Variants in P3H2 observed in about 807,000 individuals in gnomAD.
P3H2 encodes the protein prolyl 3-hydroxylase 2, also known as leprecan-like 1.
In P3H2, 80 loss-of-function variants were observed where a neutral mutation model predicts 87.0. That is an observed-to-expected ratio of 0.92 (90% confidence interval 0.77 to 1.11). The LOEUF (loss-of-function observed/expected upper bound fraction) is 1.11. Ranked by LOEUF, P3H2 falls within the 50% of genes least tolerant of loss-of-function variation. The pLI is 0.00. For missense variants in P3H2, 1,001 were observed against 923.9 expected, an observed-to-expected ratio of 1.08 and a Z score of -1.08; for synonymous variants, 367 against 359.3, an observed-to-expected ratio of 1.02 and a Z score of -0.24.
At chr3:190,084,950 CAAAA>C (rs200109023) in intron 1 of P3H2, among the ~76,000 whole-genome samples, 5 of 133,124 alleles carry the variant, frequency 3.8e-5, no homozygotes, top group South Asian at 2.4e-4. Flanking sequence ...GAGAAACAAA[CAAAA>C]AAAAAAAAGA....
At chr3:189,963,684 T>C (rs536091741) in intron 14 of P3H2, 3 of 423,442 alleles carry the variant, frequency 7.1e-6, no homozygotes, top group Non-Finnish European at 1.3e-5. Context: ...CCTCAAGTGA[T>C]CTGCCCACCT....
At position 189,964,141 on chromosome 3, in the gene P3H2, T is replaced by C. The variant is rs1321223464; in HGVS notation, c.1894-43A>G. 2.5e-6 allele frequency: 4 copies of C among 1,580,566 alleles called. 1 individual carries two copies. The highest frequency in any genetic ancestry group is 2.2e-5 in the East Asian group (1 of 44,702). Reference sequence around the variant, plus strand: ...AATTAGACTTTCAATTGTTGTATCATAAACATTTCCACAACTCCTGCTTCT... The same window carrying C: ...AATTAGACTTTCAATTGTTGTATCACAAACATTTCCACAACTCCTGCTTCT... On this transcript the variant is annotated intron_variant, in intron 13 of 14. Coordinates refer to ENST00000319332, the MANE Select transcript of P3H2 (RefSeq NM_018192.4).
In P3H2 at chr3:190,011,913, G is replaced by A. The variant is rs896921071; in HGVS notation, c.481-16471C>T. ...AAATGTTATACATCAAATGTTAATG[G>A]TCATGATATCCACATGGAGAAATGA... On this transcript the variant is annotated intron_variant, in intron 1 of 14. Transcript: ENST00000319332. 8.8e-4 allele frequency among the ~76,000 whole-genome samples: 134 copies of A among 152,164 alleles called. 3 individuals are homozygous for A. Among genetic ancestry groups the A allele is most frequent in the Non-Finnish European group, 2.4e-4 (16 of 68,028 alleles).
At chr3:190,121,921 G>A (rs761004064), upstream of P3H2, among the ~76,000 whole-genome samples, 40 of 151,986 alleles carry the variant, frequency 2.6e-4, no homozygotes, top group African/African-American at 8.9e-4. Context: ...GCAAAACCCC[G>A]TCTCTACTAA....
At chr3:189,991,351 G>A (rs1227555895) in intron 3 of P3H2, among the ~76,000 whole-genome samples, 4 of 152,138 alleles carry the variant, frequency 2.6e-5, no homozygotes, top group East Asian at 3.8e-4. Flanking sequence ...TCTAATTTTT[G>A]ATAGCTATAC....
At chr3:190,018,779 C>T (rs966217237) in intron 1 of P3H2, among the ~76,000 whole-genome samples, 4 of 152,156 alleles carry the variant, frequency 2.6e-5, no homozygotes, top group Admixed American at 2.6e-4. Context: ...TAGATATAGG[C>T]ATAAGAGGGA....
intron 1 of P3H2, among the ~76,000 whole-genome samples, chr3:190,068,495 T>C (rs1036078009): frequency 2.6e-5 from 4 of 152,178 alleles, no homozygotes; most frequent in African/African-American, 7.2e-5. Flanking sequence ...ACAAAAGTTA[T>C]TGGGTCTTAA....
intron 1 of P3H2, among the ~76,000 whole-genome samples, chr3:190,060,714 C>A (rs530141301): frequency 4.4e-4 from 67 of 152,168 alleles, no homozygotes; most frequent in African/African-American, 1.6e-3. Context: ...TAATTTGGTG[C>A]TATTTTGTTC....
intron 1 of P3H2, 64 bp from the exon 2 acceptor site, chr3:189,995,506 C>T (rs1374396778): frequency 1.8e-5 from 27 of 1,470,846 alleles, no homozygotes; most frequent in East Asian, 2.5e-5. Flanking sequence ...CAGAGAAATA[C>T]AAAGATCAAT....
At position 189,987,635 on chromosome 3, in the gene P3H2, T is replaced by A. The variant is rs1470983229; in HGVS notation, c.990A>T (p.Lys330Asn). The A allele has an allele frequency of 3.7e-6, 6 of 1,614,048 alleles. No individual in the cohort carries two copies. The African/African-American group carries it at 8.0e-5, about 22-fold the overall frequency. Residue 330 changes from lysine to asparagine, a missense_variant, in exon 5 of 15, where the codon AAA becomes AAT. Transcript: ENST00000319332. Reference sequence around the variant, plus strand: ...CATCTGGATGGCATAGAAGATAGGCTTTGGCACACTCCAGGGCTTTCACAT... The same window carrying A: ...CATCTGGATGGCATAGAAGATAGGCATTGGCACACTCCAGGGCTTTCACAT... ...GEYVKALECAKAYLLCHPDDE... is the reference protein window; with the variant it reads ...GEYVKALECANAYLLCHPDDE...
At chr3:190,117,980 G>T (rs77636700) in intron 1 of P3H2, among the ~76,000 whole-genome samples, 2,365 of 152,252 alleles carry the variant, frequency 0.016, 64 homozygotes, top group African/African-American at 0.054. Context: ...CGAAGCCACG[G>T]ATCTTTGAAA....
At chr3:190,087,233 C>T (rs1037570650) in intron 1 of P3H2, among the ~76,000 whole-genome samples, 3 of 152,104 alleles carry the variant, frequency 2.0e-5, no homozygotes, top group African/African-American at 7.2e-5. Flanking sequence ...GTATCATCTG[C>T]TTTAATAAAA....
At chr3:190,001,377 C>T (rs542897991) in intron 1 of P3H2, among the ~76,000 whole-genome samples, 2 of 152,182 alleles carry the variant, frequency 1.3e-5, no homozygotes, top group African/African-American at 2.4e-5. Context: ...AAACATCAAG[C>T]GTAAAATAAG....
At chr3:190,017,084 A>G (rs575353906) in intron 1 of P3H2, among the ~76,000 whole-genome samples, 1 of 152,322 alleles carries the variant, frequency 6.6e-6, no homozygotes, top group Non-Finnish European at 1.5e-5. Flanking sequence ...AGATACATGC[A>G]TATCTCTATT....
intron 1 of P3H2, among the ~76,000 whole-genome samples, chr3:190,040,201 T>G (rs1045634636): frequency 1.3e-5 from 2 of 152,200 alleles, no homozygotes; most frequent in African/African-American, 4.8e-5. Flanking sequence ...ACAGAACAAC[T>G]GCACATTTGG....
intron 1 of P3H2, among the ~76,000 whole-genome samples, chr3:190,008,001 C>T (rs1030073651): frequency 8.5e-5 from 6 of 70,306 alleles, no homozygotes; most frequent in Admixed American, 2.8e-4. Context: ...ACTTCAGTAA[C>T]GTTGATGAAT....
intron 1 of P3H2, among the ~76,000 whole-genome samples, chr3:190,006,332 A>G (rs1285530759): frequency 6.6e-6 from 1 of 152,250 alleles, no homozygotes; most frequent in Non-Finnish European, 1.5e-5. Flanking sequence ...TATTAGCAGC[A>G]GAAGTATAAT....
At position 189,989,014 on chromosome 3, in the gene P3H2, C is replaced by T; in HGVS notation, c.848G>A (p.Cys283Tyr). The T allele has an allele frequency of 1.9e-6, 3 of 1,614,086 alleles. No individual in the cohort carries two copies. Among genetic ancestry groups the T allele is most frequent in the Non-Finnish European group, 2.5e-6 (3 of 1,180,030 alleles). ...AAGTTCCCTCACACATTCATGCTGACAAACAAGCACCTGCATGTAGTGATC... is the reference window on the plus strand; with the variant it reads ...AAGTTCCCTCACACATTCATGCTGATAAACAAGCACCTGCATGTAGTGATC... ...IADHYMQVLV[C>Y]QHECVRELAT... Residue 283 changes from cysteine (C) to tyrosine (Y), a missense_variant, in exon 4 of 15, where the codon TGT (cysteine) becomes TAT (tyrosine). By Grantham distance (194) the Cys-to-Tyr change is radical (BLOSUM62 -2). Coordinates refer to ENST00000319332, the MANE Select transcript of P3H2 (RefSeq NM_018192.4).
intron 13 of P3H2, among the ~76,000 whole-genome samples, chr3:189,967,078 G>A (rs1398337012): frequency 6.6e-6 from 1 of 152,102 alleles, no homozygotes; most frequent in African/African-American, 2.4e-5. Context: ...TGTTGCTGTT[G>A]TTGTTGTTGC....
Sources: allele counts gnomAD v4.1 joint callset (sites outside exome capture counted in the v4.1 genomes callset), GRCh38; gene constraint gnomAD v4.1.1; transcripts MANE v1.5; gene names NCBI Gene and HGNC (gene_info 2026-07-23, HGNC 2026-07-21).